ACYP2: variants seen among roughly 807,000 people sequenced by gnomAD.
The protein encoded by ACYP2 is acylphosphatase 2.
In ACYP2, 12 loss-of-function variants were observed where a neutral mutation model predicts 11.2. The ratio of observed to expected loss-of-function variants is 1.08; its 90% confidence interval spans 0.69 to 1.74. The LOEUF is 1.74. Ranked by LOEUF, ACYP2 falls within the 40% of genes most tolerant of loss-of-function variation. ACYP2 has a pLI of 0.00. For synonymous variants in ACYP2, 43 were observed against 32.2 expected, an observed-to-expected ratio of 1.33 and a Z score of -1.13; for missense variants, 134 against 101.9, an observed-to-expected ratio of 1.31 and a Z score of -1.35.
intron 4 of ACYP2, among the ~76,000 whole-genome samples, chr2:54,091,912 A>G (rs1558522012): frequency 6.6e-6 from 1 of 152,156 alleles, no homozygotes; most frequent in Non-Finnish European, 1.5e-5. Context: ...TGGGAGGAGT[A>G]CGAGCAAGAC....
intron 4 of ACYP2, among the ~76,000 whole-genome samples, chr2:54,073,818 A>G (rs1044209528): frequency 1.3e-5 from 2 of 152,248 alleles, no homozygotes; most frequent in African/African-American, 4.8e-5. Flanking sequence ...AAAAATAATC[A>G]AAACTACAAA....
At chr2:54,244,535 C>T (rs184083536) in intron 6 of ACYP2, among the ~76,000 whole-genome samples, 3 of 152,204 alleles carry the variant, frequency 2.0e-5, no homozygotes, top group Non-Finnish European at 4.4e-5. Flanking sequence ...GGCTTAGATA[C>T]CCTGTGTATC....
intron 4 of ACYP2, among the ~76,000 whole-genome samples, chr2:54,108,627 T>G (rs1361310933): frequency 6.6e-6 from 1 of 151,898 alleles, no homozygotes; most frequent in Non-Finnish European, 1.5e-5. Flanking sequence ...GGCTGGCCCT[T>G]TTTCCCCCGA....
intron 6 of ACYP2, among the ~76,000 whole-genome samples, chr2:54,196,355 G>C (rs1336736511): frequency 6.6e-6 from 1 of 152,118 alleles, no homozygotes; most frequent in East Asian, 1.9e-4. Flanking sequence ...TGGGACTACA[G>C]ACTTAACCTA....
intron 6 of ACYP2, among the ~76,000 whole-genome samples, chr2:54,278,909 G>A (rs1294522435): frequency 6.6e-6 from 1 of 152,198 alleles, no homozygotes; most frequent in Non-Finnish European, 1.5e-5. Flanking sequence ...TCAGAAACAA[G>A]GAAGAATGAC....
chr2:54,032,529 C>CT (rs1157894244), intron 2 of ACYP2, among the ~76,000 whole-genome samples: 1 of 152,146 alleles, frequency 6.6e-6, no homozygotes, highest in Non-Finnish European at 1.5e-5. Context: ...GTTACTGTAG[C>CT]TTTGTAGTAT....
intron 2 of ACYP2, among the ~76,000 whole-genome samples, chr2:54,020,797 A>T (rs955383080): frequency 6.6e-6 from 1 of 152,242 alleles, no homozygotes; most frequent in Admixed American, 6.5e-5. Flanking sequence ...TTTTAGAAAC[A>T]TGGGAAGTTT....
intron 4 of ACYP2, among the ~76,000 whole-genome samples, chr2:54,061,847 G>A (rs1187295199): frequency 1.3e-5 from 2 of 152,116 alleles, no homozygotes; most frequent in Non-Finnish European, 2.9e-5. Flanking sequence ...GGCAAGGTGG[G>A]AGGATTGCTT....
At chr2:54,303,286 G>C (rs1040536204) in intron 6 of ACYP2, among the ~76,000 whole-genome samples, 1 of 152,130 alleles carries the variant, frequency 6.6e-6, no homozygotes, top group East Asian at 1.9e-4. Context: ...TGAAGGTCAA[G>C]GCTGCAGTGA....
intron 6 of ACYP2, among the ~76,000 whole-genome samples, chr2:54,207,502 A>C (rs933008636): frequency 6.6e-6 from 1 of 152,200 alleles, no homozygotes; most frequent in East Asian, 1.9e-4. Context: ...CATATCTACA[A>C]AATACTTTTA....
At chr2:54,164,446 G>A (rs1417199856) in intron 6 of ACYP2, among the ~76,000 whole-genome samples, 1 of 152,144 alleles carries the variant, frequency 6.6e-6, no homozygotes, top group Non-Finnish European at 1.5e-5. Flanking sequence ...GAATATTCAG[G>A]ATGAATTCAA....
At chr2:54,225,788 A>T (rs1378186806) in intron 6 of ACYP2, among the ~76,000 whole-genome samples, 1 of 150,026 alleles carries the variant, frequency 6.7e-6, no homozygotes, top group Non-Finnish European at 1.5e-5. Context: ...TACCTTAAGT[A>T]TTTTTTTTTT....
In ACYP2 at chr2:54,030,870, G is replaced by C. The variant is rs190757231; in HGVS notation, c.63-20088G>C. 6.0e-4 allele frequency among the ~76,000 whole-genome samples: 92 copies of C among 152,118 alleles called. 1 individual carries two copies. Among genetic ancestry groups the C allele is most frequent in the African/African-American group, 2.2e-3 (91 of 41,498 alleles). ...TTTCCTTCAGTAGAAATATAAACAA[G>C]TTCACCCAAATTAGTCACTGAAGCT... On this transcript the variant is annotated intron_variant, in intron 2 of 6. Transcript: ENST00000607452.
intron 6 of ACYP2, among the ~76,000 whole-genome samples, chr2:54,252,618 G>C (rs1194125063): frequency 1.3e-5 from 2 of 151,990 alleles, no homozygotes; most frequent in Non-Finnish European, 2.9e-5. Context: ...CATAAGGAAA[G>C]ATCCCATTGG....
At chr2:54,012,074 A>G (rs1171532371) in intron 2 of ACYP2, among the ~76,000 whole-genome samples, 6 of 152,010 alleles carry the variant, frequency 3.9e-5, no homozygotes, top group Admixed American at 2.0e-4. Flanking sequence ...CATCTCTACT[A>G]AAAAAACAAA....
chr2:54,284,041 G>T (rs998064723), intron 6 of ACYP2, among the ~76,000 whole-genome samples: 1 of 152,214 alleles, frequency 6.6e-6, no homozygotes, highest in African/African-American at 2.4e-5. Flanking sequence ...AACCCAGGAG[G>T]CGGAGGTTTC....
intron 6 of ACYP2, among the ~76,000 whole-genome samples, chr2:54,208,023 A>T (rs972163236): frequency 8.5e-5 from 13 of 152,132 alleles, no homozygotes; most frequent in Non-Finnish European, 1.8e-4. Context: ...CCACAGATCC[A>T]TGAAATGTAT....
intron 6 of ACYP2, among the ~76,000 whole-genome samples, chr2:54,223,353 A>G (rs1246027705): frequency 1.3e-5 from 2 of 152,224 alleles, no homozygotes; most frequent in African/African-American, 2.4e-5. Context: ...GAAAAAGTCT[A>G]TCTTTAGAAT....
At chr2:54,177,522 A>G (rs1037938883) in intron 6 of ACYP2, among the ~76,000 whole-genome samples, 3 of 144,862 alleles carry the variant, frequency 2.1e-5, no homozygotes, top group African/African-American at 7.9e-5. Flanking sequence ...CTTCTCAATC[A>G]CTCCGTTTGA....
Sources: gnomAD v4.1 joint callset for allele counts (sites outside exome capture counted in the v4.1 genomes callset) on GRCh38, gnomAD v4.1.1 for gene constraint, MANE v1.5 for transcripts, NCBI Gene and HGNC (gene_info 2026-07-23, HGNC 2026-07-21) for gene names.